The following SDK1 variants were observed in gnomAD, a reference collection of about 807,000 sequenced individuals.
SDK1 encodes sidekick cell adhesion molecule 1.
In SDK1, 157 loss-of-function variants were observed where a neutral mutation model predicts 245.5. That is an observed-to-expected ratio of 0.64 (90% CI 0.56 to 0.73). The LOEUF (loss-of-function observed/expected upper bound fraction) is 0.73. Among genes scored for constraint, SDK1 ranks in the 30% least tolerant of loss-of-function variants. The probability of loss-of-function intolerance (pLI) is 0.00; values close to 1 mark genes in which losing one functional copy is unlikely to be tolerated. For missense variants in SDK1, 3,583 were observed against 3,002.3 expected (o/e 1.19, Z -4.52); for synonymous variants, 1,647 against 1,278.5 (o/e 1.29, Z -6.15).
At position 4,026,928 on chromosome 7, in the gene SDK1, G is replaced by C. The variant is rs1787398946; in HGVS notation, c.2602+9576G>C. ...CAAAGGCGTATACATTTAATTCTAT[G>C]TGGTAACCTGGAGAAATGGACACCT... On this transcript the variant is annotated intron_variant, in intron 17 of 44. Transcript: ENST00000404826. The surrounding 1 kb of genome is among the most constrained non-coding windows in gnomAD (Gnocchi z 4.1). Among the ~76,000 whole-genome samples, 1 of 152,232 alleles carries C rather than the reference G, an allele frequency of 6.6e-6. No homozygotes were observed. Among genetic ancestry groups the C allele is most frequent in the Admixed American group, 6.5e-5 (1 of 15,284 alleles).
intron 22 of SDK1, among the ~76,000 whole-genome samples, chr7:4,084,522 C>G (rs576589303): frequency 2.6e-5 from 4 of 152,270 alleles, no homozygotes; most frequent in South Asian, 2.1e-4. Flanking sequence ...AAGACGATAA[C>G]CTGAGCACCA....
At chr7:4,223,147 G>T (rs530175747) in intron 40 of SDK1, among the ~76,000 whole-genome samples, 3 of 152,228 alleles carry the variant, frequency 2.0e-5, no homozygotes, top group East Asian at 1.9e-4. Context: ...GCAGGTTGGT[G>T]GGGGAGGAGG....
At chr7:3,787,165 C>G in intron 4 of SDK1, among the ~76,000 whole-genome samples, 1 of 151,564 alleles carries the variant, frequency 6.6e-6, no homozygotes, top group South Asian at 2.1e-4. Flanking sequence ...CACACACACA[C>G]ACACACACAC....
intron 4 of SDK1, among the ~76,000 whole-genome samples, chr7:3,741,238 G>C (rs541105949): frequency 6.6e-6 from 1 of 152,188 alleles, no homozygotes; most frequent in Admixed American, 6.5e-5. Flanking sequence ...AGTGTGTTTT[G>C]AGTTTTTCCA....
intron 1 of SDK1, among the ~76,000 whole-genome samples, chr7:3,472,041 T>C (rs570512929): frequency 3.3e-5 from 5 of 152,348 alleles, no homozygotes; most frequent in African/African-American, 1.2e-4. Context: ...TCTTGTGTTT[T>C]TGCTGATGAG....
At chr7:3,897,745 CTG>C (rs56863215) in intron 5 of SDK1, among the ~76,000 whole-genome samples, 11,519 of 149,760 alleles carry the variant, frequency 0.077, 1,402 homozygotes, top group African/African-American at 0.26. Context: ...GTTTTTACAG[CTG>C]TGTGTGTGTG....
At chr7:3,604,283 G>A (rs1157225101) in intron 1 of SDK1, among the ~76,000 whole-genome samples, 1 of 152,090 alleles carries the variant, frequency 6.6e-6, no homozygotes, top group Non-Finnish European at 1.5e-5. Context: ...TGTACCTCTG[G>A]TAGAATTCGG....
At chr7:3,321,837 C>CCT (rs1477574355) in intron 1 of SDK1, among the ~76,000 whole-genome samples, 4 of 125,260 alleles carry the variant, frequency 3.2e-5, no homozygotes, top group African/African-American at 1.1e-4. Context: ...TCCTCCTTTT[C>CCT]TCTCTCTCTC....
intron 40 of SDK1, among the ~76,000 whole-genome samples, chr7:4,225,301 A>C (rs1040159517): frequency 1.3e-5 from 2 of 152,138 alleles, no homozygotes; most frequent in African/African-American, 2.4e-5. Context: ...AACTACCTCA[A>C]AATGATATGT....
intron 5 of SDK1, among the ~76,000 whole-genome samples, chr7:3,930,253 C>T (rs1042530221): frequency 2.6e-5 from 4 of 152,186 alleles, no homozygotes; most frequent in African/African-American, 4.8e-5. Context: ...TAACTCACCA[C>T]GTGCTGGAAA....
intron 1 of SDK1, among the ~76,000 whole-genome samples, chr7:3,321,335 A>C (rs2128547273): frequency 6.6e-6 from 1 of 152,300 alleles, no homozygotes; most frequent in South Asian, 2.1e-4. Flanking sequence ...CGTTTCTTAA[A>C]GTACAGTACT....
chr7:3,467,381 C>T (rs879393337), intron 1 of SDK1, among the ~76,000 whole-genome samples: 6 of 151,836 alleles, frequency 4.0e-5, no homozygotes, highest in Non-Finnish European at 5.9e-5. Flanking sequence ...AATTGTTGCC[C>T]ACTGTACTTT....
chr7:3,842,919 A>G (rs942184518), intron 5 of SDK1, among the ~76,000 whole-genome samples: 5 of 152,134 alleles, frequency 3.3e-5, no homozygotes, highest in Non-Finnish European at 7.3e-5. Context: ...CTCTTTAGGA[A>G]AGGATTCCCA....
intron 1 of SDK1, among the ~76,000 whole-genome samples, chr7:3,381,393 C>A (rs1392134233): frequency 6.6e-6 from 1 of 151,992 alleles, no homozygotes; most frequent in African/African-American, 2.4e-5. Context: ...AGAGCACCCG[C>A]ACTGGTGACT....
intron 5 of SDK1, among the ~76,000 whole-genome samples, chr7:3,906,653 A>G (rs1206520182): frequency 2.1e-5 from 2 of 93,660 alleles, no homozygotes; most frequent in South Asian, 3.8e-4. Flanking sequence ...TTTGAGACAG[A>G]GTCTTGTTCT....
intron 1 of SDK1, among the ~76,000 whole-genome samples, chr7:3,546,091 T>C (rs1244110637): frequency 6.6e-6 from 1 of 152,230 alleles, no homozygotes; most frequent in Non-Finnish European, 1.5e-5. Flanking sequence ...GTTCTCAAGC[T>C]TCAGAGTGCC....
chr7:4,013,881 C>T (rs1038790724), intron 16 of SDK1, among the ~76,000 whole-genome samples: 1 of 152,222 alleles, frequency 6.6e-6, no homozygotes, highest in Non-Finnish European at 1.5e-5. Flanking sequence ...CAGTTCTGTC[C>T]CCTCGGGGTG....
At chr7:4,168,243 A>C (rs1246896523) in intron 32 of SDK1, among the ~76,000 whole-genome samples, 1 of 151,860 alleles carries the variant, frequency 6.6e-6, no homozygotes, top group East Asian at 1.9e-4. Flanking sequence ...GGCCTGGAAG[A>C]CTCCTGCCAG....
At chr7:4,232,706 T>G (rs371000153) in intron 40 of SDK1, among the ~76,000 whole-genome samples, 37 of 152,188 alleles carry the variant, frequency 2.4e-4, no homozygotes, top group African/African-American at 7.7e-4. Flanking sequence ...CAAGCAGTCC[T>G]GTAACCGCAG....
Sources: allele counts gnomAD v4.1 joint callset (sites outside exome capture counted in the v4.1 genomes callset), GRCh38; gene constraint gnomAD v4.1.1; non-coding constraint Gnocchi (gnomAD v3.1); transcripts MANE v1.5; gene names NCBI Gene and HGNC (gene_info 2026-07-23, HGNC 2026-07-21).